The following MARK1 variants were observed in gnomAD, a reference collection of about 807,000 sequenced individuals.
MARK1 encodes the protein serine/threonine-protein kinase MARK1.
A neutral mutation model predicts 96.3 loss-of-function variants in MARK1; 40 were observed. The ratio of observed to expected loss-of-function variants is 0.42; its 90% confidence interval spans 0.32 to 0.54. The LOEUF (loss-of-function observed/expected upper bound fraction) is 0.54, where lower values mean the gene tolerates loss of function less well. Among genes scored for constraint, MARK1 ranks in the 20% least tolerant of loss-of-function variants. The pLI, the probability that MARK1 is intolerant of heterozygous loss-of-function variation, is 0.16. For synonymous variants in MARK1, 317 were observed against 341.2 expected (o/e 0.93, Z 0.78); for missense variants, 719 against 984.6 (o/e 0.73, Z 3.61).
intron 1 of MARK1, among the ~76,000 whole-genome samples, chr1:220,556,451 T>G (rs1420290487): frequency 7.4e-6 from 1 of 135,416 alleles, no homozygotes; most frequent in Non-Finnish European, 1.5e-5. Flanking sequence ...CTTGGTAGGA[T>G]TACTTTCAAA....
chr1:220,595,687 A>G (rs1665290891), intron 3 of MARK1, among the ~76,000 whole-genome samples: 1 of 152,192 alleles, frequency 6.6e-6, no homozygotes, highest in South Asian at 2.1e-4. Context: ...AGTGGATGTT[A>G]AGTAGTAGAT....
chr1:220,619,004 G>A (rs895934803), intron 9 of MARK1, among the ~76,000 whole-genome samples: 4 of 152,106 alleles, frequency 2.6e-5, no homozygotes, highest in African/African-American at 9.7e-5. Context: ...CAAAAATAGA[G>A]GTTGACTTTT....
chr1:220,537,613 G>T (rs1445407491), intron 1 of MARK1, among the ~76,000 whole-genome samples: 4 of 141,008 alleles, frequency 2.8e-5, no homozygotes, highest in East Asian at 2.1e-4. Flanking sequence ...GTAATGGGAT[G>T]GCTGGGTCAA....
intron 1 of MARK1, among the ~76,000 whole-genome samples, chr1:220,554,409 T>C (rs1018197546): frequency 2.0e-4 from 30 of 152,104 alleles, no homozygotes; most frequent in African/African-American, 7.2e-4. Flanking sequence ...CAAGTAGAGG[T>C]TGGAGTACTA....
At chr1:220,616,577 G>T (rs1666762045) in intron 7 of MARK1, among the ~76,000 whole-genome samples, 1 of 152,028 alleles carries the variant, frequency 6.6e-6, no homozygotes, top group South Asian at 2.1e-4. Context: ...AATTTGCATT[G>T]TCCCTTACAT....
intron 1 of MARK1, among the ~76,000 whole-genome samples, chr1:220,543,668 C>T (rs567307254): frequency 6.6e-6 from 1 of 152,244 alleles, no homozygotes; most frequent in African/African-American, 2.4e-5. Flanking sequence ...TCCTTTATTA[C>T]CTAGCATAGT....
intron 1 of MARK1, among the ~76,000 whole-genome samples, chr1:220,543,688 A>G (rs946916611): frequency 7.2e-5 from 11 of 152,162 alleles, no homozygotes; most frequent in Admixed American, 1.3e-4. Context: ...TGTTTGGCAT[A>G]TTTTTTGGTA....
rs1419348348 is a variant in MARK1 at position 220,528,638 on chromosome 1, C to T, written c.-185C>T. Reference sequence around the variant, plus strand: ...GCCGCCGCGGGAAGCGGCTCCCCCTCCTCTTCCTCCGCGTCCTCTTCCCTC... The same window carrying T: ...GCCGCCGCGGGAAGCGGCTCCCCCTTCTCTTCCTCCGCGTCCTCTTCCCTC... On this transcript the variant is annotated 5_prime_UTR_variant, in exon 1 of 18. Transcript: ENST00000366917. The T allele has an allele frequency of 2.4e-5, 12 of 507,578 alleles. No individual in the cohort carries two copies. Among genetic ancestry groups the T allele is most frequent in the South Asian group, 2.2e-4 (7 of 32,380 alleles). 31.4% of individuals were successfully genotyped at this position (507,578 alleles called of 1,614,324 possible).
chr1:220,635,211 C>T (rs1667884561), intron 11 of MARK1, among the ~76,000 whole-genome samples, 165 bp from the exon 12 acceptor site: 1 of 152,026 alleles, frequency 6.6e-6, no homozygotes, highest in South Asian at 2.1e-4. Flanking sequence ...ACCCCTTTTC[C>T]TGCTTGCCAA....
At chr1:220,578,410 T>G (rs932368264) in intron 1 of MARK1, among the ~76,000 whole-genome samples, 1 of 152,166 alleles carries the variant, frequency 6.6e-6, no homozygotes. Context: ...TAGGTTAGCG[T>G]GAGACCATGA....
chr1:220,575,660 A>G (rs1379197063), intron 1 of MARK1, among the ~76,000 whole-genome samples: 1 of 152,022 alleles, frequency 6.6e-6, no homozygotes, highest in Admixed American at 6.6e-5. Context: ...TAATATATGT[A>G]ATATAAAATA....
In MARK1 at chr1:220,635,834, T is replaced by C; in HGVS notation, c.1278T>C (p.Ala426=). The part of the protein sequence containing the change: ...NQKQRRFSDH[A]GPSIPPAVSY... Reference sequence around the variant, plus strand: ...ATGCTATTTTTAAAAAAATTATAGCTGGTCCATCCATTCCTCCTGCTGTAT... The same window carrying C: ...ATGCTATTTTTAAAAAAATTATAGCCGGTCCATCCATTCCTCCTGCTGTAT... Residue 426 remains alanine (A), a splice_region_variant and synonymous_variant, in exon 13 of 18, where the codon GCT becomes GCC. Coordinates refer to ENST00000366917, the MANE Select transcript of MARK1 (RefSeq NM_018650.5). The C allele has an allele frequency of 6.4e-7, 1 of 1,569,798 alleles. No individual in the cohort carries two copies. The highest frequency in any genetic ancestry group is 2.3e-5 in the East Asian group (1 of 44,170).
At chr1:220,657,172 T>C (rs183166180) in intron 16 of MARK1, among the ~76,000 whole-genome samples, 1 of 152,170 alleles carries the variant, frequency 6.6e-6, no homozygotes, top group South Asian at 2.1e-4. Context: ...CAATTAGTAG[T>C]GTTTTCCTGG....
intron 1 of MARK1, among the ~76,000 whole-genome samples, chr1:220,552,441 C>T (rs1397700232): frequency 6.6e-6 from 1 of 152,142 alleles, no homozygotes; most frequent in Non-Finnish European, 1.5e-5. Context: ...ATTACCCCAG[C>T]TCTGCAAGGT....
intron 1 of MARK1, among the ~76,000 whole-genome samples, chr1:220,536,658 C>A (rs573387411): frequency 1.3e-5 from 2 of 151,934 alleles, no homozygotes; most frequent in East Asian, 1.9e-4. Flanking sequence ...TGGGTTCAAG[C>A]GATTCTCCTG....
At chr1:220,586,453 C>T (rs1417763605) in intron 3 of MARK1, among the ~76,000 whole-genome samples, 1 of 152,182 alleles carries the variant, frequency 6.6e-6, no homozygotes, top group East Asian at 1.9e-4. Context: ...TCCACTTACC[C>T]TCCATAAAAT....
intron 3 of MARK1, among the ~76,000 whole-genome samples, chr1:220,592,241 T>C (rs1381491403): frequency 6.8e-6 from 1 of 146,858 alleles, no homozygotes; most frequent in African/African-American, 2.5e-5. Context: ...TATTATATTA[T>C]ATTATATTAT....
intron 6 of MARK1, 110 bp downstream of exon 6, chr1:220,604,247 C>T: frequency 1.8e-6 from 1 of 551,880 alleles, no homozygotes. Flanking sequence ...AGAAGAATTC[C>T]TGCTTTCTTA....
intron 3 of MARK1, among the ~76,000 whole-genome samples, chr1:220,589,314 T>G (rs1339843542): frequency 6.6e-6 from 1 of 152,068 alleles, no homozygotes; most frequent in Non-Finnish European, 1.5e-5. Flanking sequence ...AATGACAGAC[T>G]TTTTCATCAT....
Sources: gnomAD v4.1 joint callset for allele counts (sites outside exome capture counted in the v4.1 genomes callset) on GRCh38, gnomAD v4.1.1 for gene constraint, MANE v1.5 for transcripts, NCBI Gene and HGNC (gene_info 2026-07-23, HGNC 2026-07-21) for gene names.